Variants in ADISSP observed in about 807,000 individuals in gnomAD.
ADISSP encodes the protein adipose secreted signaling protein.
the ADISSP span, among the ~76,000 whole-genome samples, chr20:3,765,261 G>A: frequency 2.7e-3 from 413 of 152,280 alleles, no homozygotes; most frequent in Non-Finnish European, 4.7e-3. Context: ...CTGCAGCTGT[G>A]TCCACAGAGA....
the ADISSP span, among the ~76,000 whole-genome samples, chr20:3,756,804 C>T: frequency 1.3e-5 from 2 of 152,066 alleles, no homozygotes; most frequent in Non-Finnish European, 2.9e-5. Flanking sequence ...CAAAAACAGC[C>T]GTAACACCCA....
chr20:3,762,578 C>T, the ADISSP span, among the ~76,000 whole-genome samples: 35 of 152,184 alleles, frequency 2.3e-4, no homozygotes, highest in Non-Finnish European at 4.1e-4. Context: ...TCTCAAACTC[C>T]GGAGCTTAAG....
At chr20:3,758,404 G>A in the ADISSP span, 1 of 738,196 alleles carries the variant, frequency 1.4e-6, no homozygotes, top group African/African-American at 1.8e-5. This position sits in a 1 kb window ranked among gnomAD's most constrained non-coding sequence, Gnocchi z 5.5. Context: ...TCTGACAGAT[G>A]GGGCAACCAA....
the ADISSP span, among the ~76,000 whole-genome samples, chr20:3,757,422 G>T: frequency 6.6e-6 from 1 of 152,088 alleles, no homozygotes; most frequent in South Asian, 2.1e-4. Context: ...ATGACTGTGG[G>T]TACTTTTAAA....
the ADISSP span, among the ~76,000 whole-genome samples, chr20:3,757,412 A>G: frequency 6.6e-6 from 1 of 152,180 alleles, no homozygotes; most frequent in Non-Finnish European, 1.5e-5. Flanking sequence ...TTGGGATAGT[A>G]TGACTGTGGG....
At chr20:3,762,129 G>A in the ADISSP span, among the ~76,000 whole-genome samples, 4 of 152,090 alleles carry the variant, frequency 2.6e-5, no homozygotes, top group Admixed American at 2.6e-4. Context: ...AAGATTAGCC[G>A]GGTGTGGTGG....
the ADISSP span, among the ~76,000 whole-genome samples, chr20:3,761,357 C>T: frequency 3.4e-5 from 5 of 147,544 alleles, no homozygotes; most frequent in African/African-American, 7.6e-5. Flanking sequence ...TTTTCTGAGA[C>T]GGAGTTTCAC....
At chr20:3,754,081 T>A in the ADISSP span, 1 of 1,613,316 alleles carries the variant, frequency 6.2e-7, no homozygotes, top group Admixed American at 1.7e-5. Context: ...TGCCAGTCGC[T>A]GTGCTCTGAG....
chr20:3,755,391 ACC>A, the ADISSP span: 1 of 1,406,868 alleles, frequency 7.1e-7, no homozygotes. Flanking sequence ...CTGCCCATCC[ACC>A]CTAGTTGGAA....
At chr20:3,767,456 C>G in the ADISSP span, 1 of 152,506 alleles carries the variant, frequency 6.6e-6, no homozygotes, top group Non-Finnish European at 1.5e-5. Context: ...CTAACGGTCA[C>G]TGCGCCCCGG....
At chr20:3,758,542 C>A in the ADISSP span, 1 of 1,613,514 alleles carries the variant, frequency 6.2e-7, no homozygotes, top group Non-Finnish European at 8.5e-7. This position sits in a 1 kb window ranked among gnomAD's most constrained non-coding sequence, Gnocchi z 5.5. Context: ...GTACCTTGAC[C>A]AGAAAGCTGC....
At chr20:3,760,051 G>C in the ADISSP span, 50 of 1,610,522 alleles carry the variant, frequency 3.1e-5, no homozygotes, top group Non-Finnish European at 3.9e-5. Flanking sequence ...AAGAGCTTGT[G>C]CAAGTCCTAC....
chr20:3,756,998 C>A, the ADISSP span, among the ~76,000 whole-genome samples: 1 of 142,638 alleles, frequency 7.0e-6, no homozygotes, highest in Non-Finnish European at 1.5e-5. Flanking sequence ...TTAAAATAAG[C>A]TGGATCCATC....
chr20:3,755,581 C>A, the ADISSP span: 2 of 1,608,810 alleles, frequency 1.2e-6, no homozygotes, highest in South Asian at 2.2e-5. Context: ...TAATCTCATA[C>A]CTGTGCAGGA....
the ADISSP span, among the ~76,000 whole-genome samples, chr20:3,762,159 C>T: frequency 1.5e-4 from 23 of 152,028 alleles, no homozygotes; most frequent in African/African-American, 5.1e-4. Context: ...GTAGTCCCAG[C>T]TAGTTGGGAG....
the ADISSP span, chr20:3,753,930 G>T: frequency 1.4e-6 from 1 of 694,552 alleles, no homozygotes; most frequent in South Asian, 1.7e-5. Context: ...TGAGAGGCGT[G>T]GGCAAGGCCA....
the ADISSP span, among the ~76,000 whole-genome samples, chr20:3,759,788 C>T: frequency 1.1e-4 from 16 of 152,276 alleles, no homozygotes; most frequent in East Asian, 3.9e-4. The surrounding 1 kb of genome is among the most constrained non-coding windows in gnomAD (Gnocchi z 4.6). Context: ...ATAAGCCCCT[C>T]GGCTCCCCCA....
the ADISSP span, among the ~76,000 whole-genome samples, chr20:3,756,048 T>C: frequency 4.7e-4 from 72 of 152,278 alleles, no homozygotes; most frequent in African/African-American, 1.7e-3. Context: ...CATTCACCTG[T>C]CCCCATCACT....
chr20:3,760,750 G>A, the ADISSP span, among the ~76,000 whole-genome samples: 1 of 152,184 alleles, frequency 6.6e-6, no homozygotes, highest in Non-Finnish European at 1.5e-5. Flanking sequence ...TGGAGGGGGT[G>A]TGCCCCCACC....
Sources: gnomAD v4.1 joint callset for allele counts (sites outside exome capture counted in the v4.1 genomes callset) on GRCh38, gnomAD v4.1.1 for gene constraint, Gnocchi (gnomAD v3.1) non-coding constraint, MANE v1.5 for transcripts, NCBI Gene and HGNC (gene_info 2026-07-23, HGNC 2026-07-21) for gene names.